Variants in TUSC3 observed in about 807,000 individuals in gnomAD.
TUSC3 encodes tumor suppressor candidate 3, also known as dolichyl-diphosphooligosaccharide--protein glycosyltransferase subunit TUSC3.
TUSC3 carries 45 observed loss-of-function variants against 44.8 expected under a neutral mutation model. That is an observed-to-expected ratio of 1.00 (90% confidence interval 0.79 to 1.29). The LOEUF is 1.29. Ranked by LOEUF, TUSC3 falls within the 50% of genes most tolerant of loss-of-function variation. The pLI is 0.00. For synonymous variants in TUSC3, 212 were observed against 152.9 expected (o/e 1.39, Z -2.85); for missense variants, 519 against 437.9 (o/e 1.19, Z -1.65).
intron 6 of TUSC3, among the ~76,000 whole-genome samples, chr8:15,676,400 G>A (rs1808190950): frequency 6.6e-6 from 1 of 152,050 alleles, no homozygotes; most frequent in Non-Finnish European, 1.5e-5. Context: ...GTTTGTAAAT[G>A]TTTTCTCCTA....
the TUSC3 span, among the ~76,000 whole-genome samples, chr8:15,805,141 T>C: frequency 1.3e-5 from 2 of 152,198 alleles, no homozygotes; most frequent in East Asian, 3.8e-4. Context: ...TTGAACGTTA[T>C]TGGTGTATGG....
chr8:15,791,495 T>C, the TUSC3 span, among the ~76,000 whole-genome samples: 90 of 152,280 alleles, frequency 5.9e-4, no homozygotes, highest in East Asian at 0.013. Context: ...AGAAATCATC[T>C]AATCCAGTTT....
intron 1 of TUSC3, among the ~76,000 whole-genome samples, chr8:15,441,552 A>C (rs1173969808): frequency 2.6e-5 from 4 of 152,224 alleles, no homozygotes; most frequent in African/African-American, 7.2e-5. Context: ...ATGCTCATAG[A>C]CATGGAGAAT....
intron 6 of TUSC3, among the ~76,000 whole-genome samples, chr8:15,708,217 A>G (rs1208905586): frequency 6.6e-6 from 1 of 151,964 alleles, no homozygotes; most frequent in African/African-American, 2.4e-5. Flanking sequence ...AGAGGTATGT[A>G]AAGTTATTGG....
At position 15,452,218 on chromosome 8, in the gene TUSC3, C is replaced by A. The variant is rs1374666760; in HGVS notation, n.92-31168C>A. 3.3e-5 allele frequency among the ~76,000 whole-genome samples: 5 copies of A among 152,098 alleles called. No individual in the cohort carries two copies. The South Asian group carries it at 1.0e-3, about 32-fold the overall frequency. ...TTCACATTTAATTTCTACAAACAAC[C>A]ATATTCTTAAGTTATGAAAAATTTT... On this transcript the variant is annotated intron_variant and non_coding_transcript_variant, in intron 1 of 5. Transcript: ENST00000503191.
intron 1 of TUSC3, among the ~76,000 whole-genome samples, chr8:15,466,763 G>A (rs1019847355): frequency 2.0e-5 from 3 of 152,062 alleles, no homozygotes; most frequent in African/African-American, 7.2e-5. Flanking sequence ...AGTCATCTTA[G>A]TATAATTCAG....
At position 15,554,207 on chromosome 8, in the gene TUSC3, A is replaced by G. The variant is rs778770730; in HGVS notation, c.138+13639A>G. Among the ~76,000 whole-genome samples, 6 of 151,796 alleles carry G rather than the reference A, an allele frequency of 4.0e-5. 2 individuals carry two copies. Among genetic ancestry groups the G allele is most frequent in the Admixed American group, 2.0e-4 (3 of 15,194 alleles). Reference sequence around the variant, plus strand: ...ATCACAATGGTGATAAGGTTTCAACATAAGAATTTTGTGGGGATACAAACA... The same window carrying G: ...ATCACAATGGTGATAAGGTTTCAACGTAAGAATTTTGTGGGGATACAAACA... On this transcript the variant is annotated intron_variant, in intron 1 of 10. Coordinates refer to ENST00000503731, the MANE Select transcript of TUSC3 (RefSeq NM_006765.4).
At chr8:15,433,782 T>C (rs1055836770) in intron 1 of TUSC3, among the ~76,000 whole-genome samples, 16 of 152,182 alleles carry the variant, frequency 1.1e-4, no homozygotes, top group Non-Finnish European at 1.5e-4. Flanking sequence ...TATTCCTTTT[T>C]ATTGGCTGAG....
chr8:15,450,664 G>A (rs184381742), intron 1 of TUSC3, among the ~76,000 whole-genome samples: 20 of 152,026 alleles, frequency 1.3e-4, no homozygotes, highest in East Asian at 3.9e-4. Flanking sequence ...AGTGAGACTC[G>A]GTCTCAAAAA....
chr8:15,839,837 G>A, the TUSC3 span, among the ~76,000 whole-genome samples: 1 of 152,164 alleles, frequency 6.6e-6, no homozygotes, highest in Non-Finnish European at 1.5e-5. Context: ...CAGGGATCTA[G>A]AACTAGAAAT....
chr8:15,648,441 C>T (rs574572058), intron 2 of TUSC3, among the ~76,000 whole-genome samples: 8 of 152,088 alleles, frequency 5.3e-5, no homozygotes, highest in Middle Eastern at 3.4e-3. Flanking sequence ...AAGAATAAGA[C>T]GTTGGCTGGG....
chr8:15,683,410 GTT>G (rs1808502623), intron 6 of TUSC3, among the ~76,000 whole-genome samples: 2 of 151,946 alleles, frequency 1.3e-5, no homozygotes, highest in Admixed American at 1.3e-4. Context: ...CTCTGAAATT[GTT>G]TCTTCTGCTT....
chr8:15,460,441 G>A lies in TUSC3; in HGVS notation n.92-22945G>A, dbSNP rs575105217. The stretch of plus-strand genomic sequence containing the variant: ...TTGTAGATTCTGGACATGGTCCTTT[G>A]TCATATGTATAGATTGTGAAGATTT... On this transcript the variant is annotated intron_variant and non_coding_transcript_variant, in intron 1 of 5. Coordinates refer to the TUSC3 transcript ENST00000503191. 1.4e-4 allele frequency among the ~76,000 whole-genome samples: 22 copies of A among 152,166 alleles called. 1 individual carries two copies. The highest frequency in any genetic ancestry group is 5.1e-4 in the African/African-American group (21 of 41,538).
At chr8:15,666,545 T>G (rs1807668653) in intron 5 of TUSC3, among the ~76,000 whole-genome samples, 1 of 151,486 alleles carries the variant, frequency 6.6e-6, no homozygotes. Context: ...CACATTGTGA[T>G]TTATCAGTAG....
chr8:15,827,605 A>T, the TUSC3 span, among the ~76,000 whole-genome samples: 1 of 152,066 alleles, frequency 6.6e-6, no homozygotes, highest in Non-Finnish European at 1.5e-5. Context: ...GTTTCTAAGG[A>T]CTCATGATTT....
chr8:15,737,226 C>A (rs900957640), intron 7 of TUSC3, among the ~76,000 whole-genome samples: 1 of 151,944 alleles, frequency 6.6e-6, no homozygotes, highest in African/African-American at 2.4e-5. Context: ...ATTTAGAATT[C>A]TTTAAGTAAG....
chr8:15,655,600 C>T (rs1563156480), intron 3 of TUSC3, among the ~76,000 whole-genome samples: 1 of 152,170 alleles, frequency 6.6e-6, no homozygotes, highest in Non-Finnish European at 1.5e-5. Context: ...TATTCCTGCT[C>T]CAAAACTTTT....
intron 1 of TUSC3, among the ~76,000 whole-genome samples, chr8:15,472,040 C>G (rs1205174533): frequency 1.3e-5 from 2 of 151,950 alleles, no homozygotes; most frequent in African/African-American, 4.8e-5. Context: ...AGTAACATAA[C>G]CAAAATATTT....
At chr8:15,596,946 G>A (rs1379405667) in intron 1 of TUSC3, among the ~76,000 whole-genome samples, 1 of 152,128 alleles carries the variant, frequency 6.6e-6, no homozygotes, top group African/African-American at 2.4e-5. Flanking sequence ...AGGTGACAAG[G>A]TTAATAGTCC....
Sources: allele counts gnomAD v4.1 joint callset (sites outside exome capture counted in the v4.1 genomes callset), GRCh38; gene constraint gnomAD v4.1.1; transcripts MANE v1.5; gene names NCBI Gene and HGNC (gene_info 2026-07-23, HGNC 2026-07-21).